STK3: variants seen among roughly 807,000 people sequenced by gnomAD.
STK3 encodes the protein serine/threonine-protein kinase 3.
In STK3, 41 loss-of-function variants were observed where a neutral mutation model predicts 58.0. That is an observed-to-expected ratio of 0.71 (90% CI 0.55 to 0.92). The LOEUF (loss-of-function observed/expected upper bound fraction) is 0.92. Ranked by LOEUF, STK3 falls within the 40% of genes least tolerant of loss-of-function variation. The pLI is 0.00. For synonymous variants in STK3, 170 were observed against 191.0 expected (o/e 0.89, Z 0.91); for missense variants, 479 against 602.7 (o/e 0.79, Z 2.15).
At chr8:98,441,808 A>G (rs1456302062) in intron 1 of STK3, among the ~76,000 whole-genome samples, 1 of 152,046 alleles carries the variant, frequency 6.6e-6, no homozygotes, top group Non-Finnish European at 1.5e-5. Context: ...CTAAAATTTT[A>G]TCTTTGTTCC....
In STK3 at chr8:98,800,144, T is replaced by C. The variant is rs1207207270; in HGVS notation, c.27-25325A>G. On this transcript the variant is annotated intron_variant, in intron 1 of 10. Transcript: ENST00000419617. This position sits in a 1 kb window ranked among gnomAD's most constrained non-coding sequence, Gnocchi z 4.8. ...CCGCTACTCGCCTTTGGACCCTATA[T>C]TTTTAACCTCCTTGTTTTGTTTCCT... Among the ~76,000 whole-genome samples, 2 of 152,222 alleles carry C rather than the reference T, an allele frequency of 1.3e-5. No individual in the cohort carries two copies. Among genetic ancestry groups the C allele is most frequent in the Non-Finnish European group, 2.9e-5 (2 of 68,036 alleles).
At chr8:98,457,409 A>G (rs549583558) in intron 10 of STK3, among the ~76,000 whole-genome samples, 1 of 152,306 alleles carries the variant, frequency 6.6e-6, no homozygotes, top group Non-Finnish European at 1.5e-5. Flanking sequence ...CCCAAGAAAG[A>G]CATGCCCAAC....
chr8:98,368,164 T>TAAAAGA (rs1817581543), downstream of STK3, among the ~76,000 whole-genome samples: 1 of 152,176 alleles, frequency 6.6e-6, no homozygotes, highest in Non-Finnish European at 1.5e-5. Context: ...TGTTGAATTT[T>TAAAAGA]AAAAGAGGTG....
At chr8:98,788,294 C>T (rs761875346) in intron 1 of STK3, among the ~76,000 whole-genome samples, 13 of 151,774 alleles carry the variant, frequency 8.6e-5, no homozygotes, top group East Asian at 3.9e-4. Context: ...AAAAATTAGC[C>T]GGGCGTGGTG....
intron 1 of STK3, among the ~76,000 whole-genome samples, chr8:98,935,763 T>C (rs575413913): frequency 1.3e-5 from 2 of 152,248 alleles, no homozygotes; most frequent in East Asian, 3.9e-4. Context: ...AGGTATTGAG[T>C]CAAATTTCTT....
intron 1 of STK3, among the ~76,000 whole-genome samples, chr8:98,938,859 C>T (rs924397801): frequency 6.6e-6 from 1 of 151,802 alleles, no homozygotes; most frequent in Admixed American, 6.6e-5. Flanking sequence ...GACATCGGCA[C>T]GGACAAGGAA....
At chr8:98,716,875 T>C (rs28842869) in intron 4 of STK3, among the ~76,000 whole-genome samples, 1,835 of 152,172 alleles carry the variant, frequency 0.012, 37 homozygotes, top group African/African-American at 0.041. Flanking sequence ...CTTGTATATA[T>C]AATCAAATTA....
chr8:98,700,818 AC>A (rs1411629379), intron 6 of STK3, among the ~76,000 whole-genome samples: 1 of 151,940 alleles, frequency 6.6e-6, no homozygotes, highest in Non-Finnish European at 1.5e-5. Flanking sequence ...TTCTTTCCTT[AC>A]CCCTTTCCCT....
chr8:98,807,152 C>CAA (rs1039866302), intron 1 of STK3, among the ~76,000 whole-genome samples: 52 of 55,158 alleles, frequency 9.4e-4, no homozygotes, highest in Middle Eastern at 0.011. Context: ...GACTCCGTCT[C>CAA]AAAAAAAAAA....
At chr8:98,728,008 A>T (rs1827904118) in intron 4 of STK3, among the ~76,000 whole-genome samples, 1 of 152,196 alleles carries the variant, frequency 6.6e-6, no homozygotes, top group Non-Finnish European at 1.5e-5. Flanking sequence ...TACATGTAAG[A>T]TTTTATCTGA....
intron 9 of STK3, among the ~76,000 whole-genome samples, chr8:98,527,921 C>T (rs1258775472): frequency 6.6e-6 from 1 of 152,148 alleles, no homozygotes; most frequent in Non-Finnish European, 1.5e-5. Context: ...AGATCTTTCC[C>T]TTCAAACCTA....
At chr8:98,414,920 C>A (rs932525014) in intron 3 of STK3, among the ~76,000 whole-genome samples, 1 of 152,154 alleles carries the variant, frequency 6.6e-6, no homozygotes, top group African/African-American at 2.4e-5. Flanking sequence ...GAGAGATGCC[C>A]ACTAATTTAG....
chr8:98,373,530 T>A (rs892718593), intron 2 of STK3, among the ~76,000 whole-genome samples: 1 of 152,208 alleles, frequency 6.6e-6, no homozygotes, highest in South Asian at 2.1e-4. Context: ...AGGCAGGTAC[T>A]ATTTTCATGC....
At chr8:98,391,015 T>G (rs1817843933), upstream of STK3, among the ~76,000 whole-genome samples, 1 of 152,222 alleles carries the variant, frequency 6.6e-6, no homozygotes, top group Non-Finnish European at 1.5e-5. Context: ...TAATTCTAAC[T>G]CTGTGTCATC....
intron 1 of STK3, among the ~76,000 whole-genome samples, chr8:98,439,883 G>C (rs1055975735): frequency 6.6e-6 from 1 of 152,184 alleles, no homozygotes; most frequent in Non-Finnish European, 1.5e-5. Flanking sequence ...CGCATGTGCT[G>C]GTGTGGGAAG....
intron 10 of STK3, among the ~76,000 whole-genome samples, chr8:98,499,119 AC>A (rs1263971889): frequency 6.6e-6 from 1 of 152,188 alleles, no homozygotes; most frequent in Admixed American, 6.5e-5. Context: ...AAAAGATGCT[AC>A]ACTGCTGGCT....
chr8:98,367,817 C>T (rs1817578949), downstream of STK3, among the ~76,000 whole-genome samples: 5 of 152,348 alleles, frequency 3.3e-5, no homozygotes, highest in Admixed American at 2.6e-4. Flanking sequence ...AAATCCAGCA[C>T]CAGCATGCAG....
intron 1 of STK3, among the ~76,000 whole-genome samples, chr8:98,909,075 T>G (rs1261613263): frequency 6.6e-6 from 1 of 152,034 alleles, no homozygotes; most frequent in Non-Finnish European, 1.5e-5. Flanking sequence ...GCAGGAGAAT[T>G]GCTTGAACCC....
Position 98,438,834 on chromosome 8 carries a change from C to G in STK3, n.186-1626G>C, listed in dbSNP as rs542819731. On this transcript the variant is annotated intron_variant and non_coding_transcript_variant, in intron 1 of 3. Transcript: ENST00000517832. The stretch of plus-strand genomic sequence containing the variant: ...TCTGTGTGTGCATGTGTATATGTGT[C>G]TGTGTGTGAATCTCTGTGTCCACGT... The G allele has an allele frequency of 2.1e-4, 32 of 152,148 alleles. No homozygotes were observed. The Middle Eastern group carries it at 0.013, about 64-fold the overall frequency. 9.4% of individuals were successfully genotyped at this position (152,148 alleles called of 1,614,324 possible).
Sources: gnomAD v4.1 joint callset for allele counts (sites outside exome capture counted in the v4.1 genomes callset) on GRCh38, gnomAD v4.1.1 for gene constraint, Gnocchi (gnomAD v3.1) non-coding constraint, MANE v1.5 for transcripts, NCBI Gene and HGNC (gene_info 2026-07-23, HGNC 2026-07-21) for gene names.